CADM2: variants seen among roughly 807,000 people sequenced by gnomAD.
The protein encoded by CADM2 is cell adhesion molecule 2.
Under a neutral mutation model 49.8 loss-of-function variants are expected in CADM2, and 12 were observed. The observed-to-expected ratio is 0.24, with a 90% CI of 0.15 to 0.39. The LOEUF (loss-of-function observed/expected upper bound fraction) is 0.39. Ranked by LOEUF, CADM2 falls within the 10% of genes least tolerant of loss-of-function variation. The probability of loss-of-function intolerance (pLI) is 1.00; values close to 1 mark genes in which losing one functional copy is unlikely to be tolerated. For synonymous variants in CADM2, 214 were observed against 175.4 expected, an observed-to-expected ratio of 1.22 and a Z score of -1.74; for missense variants, 378 against 492.3, an observed-to-expected ratio of 0.77 and a Z score of 2.20.
At chr3:85,481,246 A>ATATC (rs1553728477) in intron 1 of CADM2, among the ~76,000 whole-genome samples, 1 of 149,180 alleles carries the variant, frequency 6.7e-6, no homozygotes, top group Admixed American at 6.8e-5. Context: ...ATATATATAT[A>ATATC]TGTTTTGTAT....
chr3:85,355,486 G>A (rs1389879959), intron 1 of CADM2, among the ~76,000 whole-genome samples: 2 of 152,016 alleles, frequency 1.3e-5, no homozygotes, highest in Non-Finnish European at 2.9e-5. Flanking sequence ...AATTGGACTA[G>A]ATATTTTTTA....
intron 8 of CADM2, among the ~76,000 whole-genome samples, chr3:85,986,277 G>A (rs1242049627): frequency 6.6e-6 from 1 of 151,896 alleles, no homozygotes; most frequent in Non-Finnish European, 1.5e-5. Flanking sequence ...AAGCATTCCA[G>A]TACTGAGGGA....
chr3:86,035,207 C>G (rs1365956315), intron 8 of CADM2, among the ~76,000 whole-genome samples: 3 of 152,056 alleles, frequency 2.0e-5, no homozygotes, highest in Admixed American at 6.6e-5. Flanking sequence ...TGAACTCTTC[C>G]CCATAGGTCG....
intron 1 of CADM2, among the ~76,000 whole-genome samples, chr3:85,172,145 T>A (rs1056193891): frequency 6.6e-6 from 1 of 152,164 alleles, no homozygotes; most frequent in Non-Finnish European, 1.5e-5. Flanking sequence ...AAAAATTAGG[T>A]TACCTGGGGA....
intron 3 of CADM2, among the ~76,000 whole-genome samples, chr3:85,824,539 A>G (rs913659835): frequency 1.3e-5 from 2 of 152,142 alleles, no homozygotes; most frequent in Non-Finnish European, 2.9e-5. Context: ...CTGAGGAATT[A>G]AAGCTACTTG....
At chr3:85,754,264 A>G (rs574175163) in intron 2 of CADM2, among the ~76,000 whole-genome samples, 5 of 152,210 alleles carry the variant, frequency 3.3e-5, no homozygotes, top group African/African-American at 7.2e-5. Context: ...GTTTCTATCT[A>G]TTGGGAGACT....
At chr3:86,049,399 C>T (rs1252617640) in intron 8 of CADM2, among the ~76,000 whole-genome samples, 9 of 151,688 alleles carry the variant, frequency 5.9e-5, no homozygotes, top group South Asian at 2.1e-4. Flanking sequence ...CTCAGCCTCC[C>T]GAGTAGCTGG....
chr3:86,065,782 A>C (rs1313655734), intron 9 of CADM2, 52 bp downstream of exon 9: 1 of 1,576,754 alleles, frequency 6.3e-7, no homozygotes, highest in Non-Finnish European at 8.6e-7. Flanking sequence ...TTCTAGACTA[A>C]CTTCATTATA....
chr3:85,770,039 T>C (rs148651445), intron 2 of CADM2, among the ~76,000 whole-genome samples: 2 of 152,132 alleles, frequency 1.3e-5, no homozygotes, highest in African/African-American at 4.8e-5. Flanking sequence ...CAATAAGATA[T>C]AGAAATAGCA....
At chr3:84,970,090 G>A (rs2031314599) in intron 1 of CADM2, among the ~76,000 whole-genome samples, 2 of 142,384 alleles carry the variant, frequency 1.4e-5, no homozygotes, top group Admixed American at 7.4e-5. Context: ...GAGAGTAGAG[G>A]TTCTCTGATT....
chr3:85,664,083 G>A (rs1307939943), intron 1 of CADM2, among the ~76,000 whole-genome samples: 2 of 151,864 alleles, frequency 1.3e-5, no homozygotes, highest in African/African-American at 4.8e-5. Flanking sequence ...CTTCTCATAG[G>A]ATGATTCTCT....
At chr3:85,989,438 G>A (rs1728494846) in intron 8 of CADM2, among the ~76,000 whole-genome samples, 1 of 152,036 alleles carries the variant, frequency 6.6e-6, no homozygotes, top group Admixed American at 6.6e-5. Context: ...GGGGACAGGG[G>A]ACCAAAATTC....
intron 1 of CADM2, among the ~76,000 whole-genome samples, chr3:85,369,703 T>C (rs1308654859): frequency 6.6e-6 from 1 of 152,170 alleles, no homozygotes; most frequent in Non-Finnish European, 1.5e-5. Flanking sequence ...TTTTGTTCTC[T>C]CTGTTTCCTC....
chr3:85,236,734 G>C (rs186634139), intron 1 of CADM2, among the ~76,000 whole-genome samples: 1 of 151,986 alleles, frequency 6.6e-6, no homozygotes. Flanking sequence ...CTTCACATAC[G>C]TATTAATGGA....
chr3:85,567,313 T>C (rs2062295137), intron 1 of CADM2, among the ~76,000 whole-genome samples: 1 of 152,182 alleles, frequency 6.6e-6, no homozygotes, highest in Admixed American at 6.5e-5. Flanking sequence ...AGGCCTTTAC[T>C]GCCTTACTTT....
chr3:85,123,897 A>G (rs1417906173), intron 1 of CADM2, among the ~76,000 whole-genome samples: 1 of 152,326 alleles, frequency 6.6e-6, no homozygotes, highest in Admixed American at 6.5e-5. Flanking sequence ...AGATTTATTC[A>G]AGGCTATTGC....
intron 3 of CADM2, among the ~76,000 whole-genome samples, chr3:85,854,466 C>T (rs890027931): frequency 6.6e-6 from 1 of 152,170 alleles, no homozygotes; most frequent in Non-Finnish European, 1.5e-5. Flanking sequence ...AGGATGAATT[C>T]ATGTCCTTTG....
chr3:85,123,281 G>A (rs780043640), intron 1 of CADM2, among the ~76,000 whole-genome samples: 2 of 152,094 alleles, frequency 1.3e-5, no homozygotes, highest in Admixed American at 1.3e-4. Flanking sequence ...TGATTTAAAG[G>A]GCAAAGCAAT....
chr3:85,495,862 T>C (rs968397772), intron 1 of CADM2, among the ~76,000 whole-genome samples: 1 of 152,088 alleles, frequency 6.6e-6, no homozygotes, highest in African/African-American at 2.4e-5. Context: ...TCCATCCTCA[T>C]GACAAAGACC....
Sources: gnomAD v4.1 joint callset for allele counts (sites outside exome capture counted in the v4.1 genomes callset) on GRCh38, gnomAD v4.1.1 for gene constraint, MANE v1.5 for transcripts, NCBI Gene and HGNC (gene_info 2026-07-23, HGNC 2026-07-21) for gene names.